The following KIF6 variants were observed in gnomAD, a reference collection of about 807,000 sequenced individuals.
KIF6 encodes kinesin family member 6.
A neutral mutation model predicts 112.7 loss-of-function variants in KIF6; 106 were observed. That is an observed-to-expected ratio of 0.94 (90% confidence interval 0.80 to 1.11). KIF6 has a LOEUF of 1.11. KIF6 is among the 50% of genes least tolerant of loss of function. The probability of loss-of-function intolerance (pLI) is 0.00; values close to 1 mark genes in which losing one functional copy is unlikely to be tolerated. For synonymous variants in KIF6, 339 were observed against 339.9 expected (o/e 1.00, Z 0.03); for missense variants, 929 against 964.0 (o/e 0.96, Z 0.48).
intron 1 of KIF6, among the ~76,000 whole-genome samples, chr6:39,722,645 CTT>C (rs1422808940): frequency 6.6e-6 from 1 of 152,018 alleles, no homozygotes; most frequent in Non-Finnish European, 1.5e-5. Context: ...AAAAAAATTC[CTT>C]TGAGTCACTC....
At chr6:39,350,764 G>A (rs1764179833) in intron 19 of KIF6, among the ~76,000 whole-genome samples, 1 of 152,174 alleles carries the variant, frequency 6.6e-6, no homozygotes, top group Non-Finnish European at 1.5e-5. Context: ...TTTGTCAGAG[G>A]TGGAGCCCCT....
At position 39,634,923 on chromosome 6, in the gene KIF6, A is replaced by G; in HGVS notation, c.435T>C (p.Tyr145=). 1 of 1,610,328 alleles carries G rather than the reference A, an allele frequency of 6.2e-7. No individual in the cohort carries two copies. The highest frequency in any genetic ancestry group is 8.5e-7 in the Non-Finnish European group (1 of 1,176,828). The change falls in exon 5 of 23, where the codon TAT becomes TAC. Residue 145 remains tyrosine, a synonymous_variant. Transcript: ENST00000287152. ...SSKIYTTHIS[Y]LEIYNECGYD... ...AACCACATTCATTGTAGATTTCCAA[A>G]TAGGAAATGTGTGTTGTATATATTT...
intron 13 of KIF6, among the ~76,000 whole-genome samples, chr6:39,450,641 C>T (rs1043936663): frequency 7.9e-5 from 12 of 152,040 alleles, no homozygotes; most frequent in African/African-American, 2.9e-4. Context: ...CCCATCTCTA[C>T]CAAAAACACA....
At chr6:39,352,243 T>A (rs114385339) in intron 19 of KIF6, among the ~76,000 whole-genome samples, 394 of 152,360 alleles carry the variant, frequency 2.6e-3, no homozygotes, top group African/African-American at 9.0e-3. Flanking sequence ...TGTGATAAAT[T>A]TGTTATAACT....
At chr6:39,667,410 T>C (rs1199602560) in intron 3 of KIF6, among the ~76,000 whole-genome samples, 1 of 152,112 alleles carries the variant, frequency 6.6e-6, no homozygotes, top group Non-Finnish European at 1.5e-5. Flanking sequence ...CTGTATTTGT[T>C]TTCTCTGGCC....
At chr6:39,692,239 C>G (rs1788256235) in intron 3 of KIF6, among the ~76,000 whole-genome samples, 1 of 152,184 alleles carries the variant, frequency 6.6e-6, no homozygotes. Flanking sequence ...CTCAGAACAT[C>G]TCAACCTGGT....
chr6:39,467,053 TAAC>T lies in KIF6; in HGVS notation c.1646-35895_1646-35893del, dbSNP rs140846334. On this transcript the variant is annotated intron_variant, in intron 13 of 22. Transcript: ENST00000287152. Reference sequence around the variant, plus strand: ...TTTGTTCCACAGGACAAGGCAGGCATAACAACAGAGAGCTTTATAGCTTTCCCC... The same window carrying T: ...TTTGTTCCACAGGACAAGGCAGGCATAACAGAGAGCTTTATAGCTTTCCCC... 3.7e-3 allele frequency among the ~76,000 whole-genome samples: 567 copies of T among 152,250 alleles called. 7 individuals are homozygous for T. The highest frequency in any genetic ancestry group is 5.9e-3 in the Non-Finnish European group (404 of 68,002).
chr6:39,590,609 G>A (rs1473968190), intron 7 of KIF6, among the ~76,000 whole-genome samples: 1 of 151,694 alleles, frequency 6.6e-6, no homozygotes, highest in East Asian at 1.9e-4. Flanking sequence ...GCAGCACCAT[G>A]CCCAACTAAT....
At chr6:39,564,742 G>C (rs1288914350) in intron 10 of KIF6, among the ~76,000 whole-genome samples, 1 of 152,216 alleles carries the variant, frequency 6.6e-6, no homozygotes, top group African/African-American at 2.4e-5. Context: ...GCTATTTGGA[G>C]TCAATGCTCC....
intron 13 of KIF6, among the ~76,000 whole-genome samples, chr6:39,475,132 G>T (rs1409334323): frequency 6.6e-6 from 1 of 152,184 alleles, no homozygotes; most frequent in African/African-American, 2.4e-5. Context: ...TCCTTTATAT[G>T]AATTGTGTGA....
intron 15 of KIF6, among the ~76,000 whole-genome samples, chr6:39,392,199 T>C (rs1275067045): frequency 3.3e-5 from 5 of 152,258 alleles, no homozygotes; most frequent in South Asian, 2.1e-4. Flanking sequence ...TTTTGACATC[T>C]GTTTTGCTGT....
Position 39,343,248 on chromosome 6 carries a change from G to T in KIF6, c.2428+461C>A. 2 of 1,268,818 alleles carry T rather than the reference G, an allele frequency of 1.6e-6. No individual in the cohort carries two copies. Among genetic ancestry groups the T allele is most frequent in the Non-Finnish European group, 2.0e-6 (2 of 980,454 alleles). The allele number at this position is 1,268,818 out of a possible 1,614,324, so 78.6% of individuals were successfully genotyped here. ...CCTCTGTGATTGTTATGGTGTCCTC[G>T]GGCCTGGGCCTTCAAGCAGTGTTTA... is the stretch of plus-strand genomic sequence containing the variant. On this transcript the variant is annotated intron_variant, in intron 22 of 22. Coordinates refer to ENST00000287152, the MANE Select transcript of KIF6 (RefSeq NM_145027.6). This position sits in a 1 kb window ranked among gnomAD's most constrained non-coding sequence, Gnocchi z 4.1.
chr6:39,507,666 T>A lies in KIF6; in HGVS notation c.1645+32337A>T, dbSNP rs144980757. ...TTCCTTCCTTCCTTCCTTCCTTCCT[T>A]CCTTCCTTCCTTCCTTCCTTCCTAC... On this transcript the variant is annotated intron_variant, in intron 13 of 22. Coordinates refer to ENST00000287152, the MANE Select transcript of KIF6 (RefSeq NM_145027.6). Among the ~76,000 whole-genome samples, 199 of 136,866 alleles carry A rather than the reference T, an allele frequency of 1.5e-3. 3 individuals carry two copies. The East Asian group carries it at 0.044, about 30-fold the overall frequency. The allele number at this position is 136,866 out of a possible 152,430, so 89.8% of individuals were successfully genotyped here. A position where few individuals can be genotyped will look rare whatever the true frequency, so the allele number is the denominator to read the frequency against.
At position 39,335,739 on chromosome 6, in the gene KIF6, C is replaced by G. The variant is rs1450491287; in HGVS notation, c.*793G>C. On this transcript the variant is annotated 3_prime_UTR_variant, in exon 23 of 23. Transcript: ENST00000287152. ...AAGACCCCCAGGCAGCTATGTTTTTCCCTGTGGAAGTGGGGAGTGTCAGCC... is the reference window on the plus strand; with the variant it reads ...AAGACCCCCAGGCAGCTATGTTTTTGCCTGTGGAAGTGGGGAGTGTCAGCC... The G allele has an allele frequency of 6.6e-6, 1 of 152,398 alleles. No homozygotes were observed. The allele number at this position is 152,398 out of a possible 1,614,324, so 9.4% of individuals were successfully genotyped here.
chr6:39,442,288 G>A (rs768028168), intron 13 of KIF6, among the ~76,000 whole-genome samples: 29 of 152,366 alleles, frequency 1.9e-4, no homozygotes, highest in Non-Finnish European at 3.1e-4. Context: ...CAGGCCTGGA[G>A]CCTCTGAAAA....
At chr6:39,438,206 T>A (rs914312003) in intron 13 of KIF6, among the ~76,000 whole-genome samples, 1 of 152,202 alleles carries the variant, frequency 6.6e-6, no homozygotes, top group African/African-American at 2.4e-5. Flanking sequence ...ACTCCTGACC[T>A]CAGGTGATCC....
At chr6:39,495,307 G>A (rs147675957) in intron 13 of KIF6, among the ~76,000 whole-genome samples, 3 of 152,154 alleles carry the variant, frequency 2.0e-5, no homozygotes, top group South Asian at 2.1e-4. Flanking sequence ...TTGCAGCAGC[G>A]AGAGTGCAGC....
intron 13 of KIF6, among the ~76,000 whole-genome samples, chr6:39,455,677 G>T (rs1163521812): frequency 6.7e-6 from 1 of 150,078 alleles, no homozygotes; most frequent in Non-Finnish European, 1.5e-5. Flanking sequence ...GTGCTTAAAG[G>T]AGCTGATGGA....
chr6:39,644,501 T>C (rs985548483), intron 3 of KIF6, among the ~76,000 whole-genome samples: 2 of 152,268 alleles, frequency 1.3e-5, no homozygotes, highest in Middle Eastern at 3.4e-3. Context: ...GCAGTACAGA[T>C]ACATGCTACA....
Sources: gnomAD v4.1 joint callset for allele counts (sites outside exome capture counted in the v4.1 genomes callset) on GRCh38, gnomAD v4.1.1 for gene constraint, Gnocchi (gnomAD v3.1) non-coding constraint, MANE v1.5 for transcripts, NCBI Gene and HGNC (gene_info 2026-07-23, HGNC 2026-07-21) for gene names.